The following CLUAP1 variants were observed in gnomAD, a reference collection of about 807,000 sequenced individuals.
CLUAP1 encodes clusterin-associated protein 1.
In CLUAP1, 50 loss-of-function variants were observed where a neutral mutation model predicts 55.0. That is an observed-to-expected ratio of 0.91 (90% CI 0.72 to 1.15). The LOEUF (loss-of-function observed/expected upper bound fraction) is 1.15. Ranked by LOEUF, CLUAP1 falls within the 50% of genes most tolerant of loss-of-function variation. The probability of loss-of-function intolerance (pLI) is 0.00; values close to 1 mark genes in which losing one functional copy is unlikely to be tolerated. For synonymous variants in CLUAP1, 195 were observed against 175.4 expected (o/e 1.11, Z -0.88); for missense variants, 530 against 507.6 (o/e 1.04, Z -0.42).
intron 9 of CLUAP1, among the ~76,000 whole-genome samples, chr16:3,529,409 TGTCA>T (rs1429695312): frequency 2.0e-4 from 20 of 98,862 alleles, no homozygotes; most frequent in Non-Finnish European, 3.7e-4. Flanking sequence ...TATATATATA[TGTCA>T]TATATATTAT....
Position 3,503,581 on chromosome 16 carries a change from C to T in CLUAP1, c.23-1139C>T, listed in dbSNP as rs149591039. Among the ~76,000 whole-genome samples, 16 of 150,864 alleles carry T rather than the reference C, an allele frequency of 1.1e-4. No homozygotes were observed. The East Asian group carries it at 3.0e-3, about 28-fold the overall frequency. ...AAAGTGCTGAGATTACAGGCGTGAA[C>T]CACCCGCGCCTGGCCTTTTTTGTTT... On this transcript the variant is annotated intron_variant, in intron 1 of 11. Coordinates refer to ENST00000576634, the MANE Select transcript of CLUAP1 (RefSeq NM_015041.3).
intron 11 of CLUAP1, chr16:3,533,236 T>A: frequency 9.2e-7 from 1 of 1,092,868 alleles, no homozygotes; most frequent in South Asian, 1.3e-5. Flanking sequence ...TCCCTAGGAG[T>A]GATGCTTCCT....
chr16:3,527,921 T>C (rs781243663), intron 9 of CLUAP1, among the ~76,000 whole-genome samples: 1 of 152,164 alleles, frequency 6.6e-6, no homozygotes, highest in East Asian at 1.9e-4. Context: ...TGCCCCTTTG[T>C]CTTGTATCCA....
intron 4 of CLUAP1, among the ~76,000 whole-genome samples, chr16:3,509,163 G>C (rs949831720): frequency 6.6e-6 from 1 of 152,190 alleles, no homozygotes; most frequent in Non-Finnish European, 1.5e-5. Context: ...AGGAGGCTGA[G>C]GTGGGAAGAT....
At chr16:3,506,912 T>G (rs1338832000) in intron 3 of CLUAP1, among the ~76,000 whole-genome samples, 2 of 152,174 alleles carry the variant, frequency 1.3e-5, no homozygotes, top group Non-Finnish European at 2.9e-5. Flanking sequence ...AGAATTTTGT[T>G]TATGCCAGGT....
At chr16:3,520,680 A>G (rs1295638107) in intron 7 of CLUAP1, among the ~76,000 whole-genome samples, 1 of 152,220 alleles carries the variant, frequency 6.6e-6, no homozygotes, top group Admixed American at 6.5e-5. Context: ...AGATCTTGCC[A>G]TAAATTAGGT....
chr16:3,502,125 G>C (rs1350945608), intron 1 of CLUAP1: 1 of 152,574 alleles, frequency 6.6e-6, no homozygotes, highest in Non-Finnish European at 1.5e-5. Flanking sequence ...TAAGAGGGTG[G>C]GGAAGTGGAA....
chr16:3,507,417 G>A (rs2037528584), intron 3 of CLUAP1, among the ~76,000 whole-genome samples: 1 of 151,564 alleles, frequency 6.6e-6, no homozygotes, highest in African/African-American at 2.4e-5. Context: ...AAAATTAGAT[G>A]GGCCTGGTGA....
At chr16:3,530,969 C>T (rs2038104409) in intron 10 of CLUAP1, among the ~76,000 whole-genome samples, 1 of 152,184 alleles carries the variant, frequency 6.6e-6, no homozygotes, top group South Asian at 2.1e-4. Context: ...CAGTGATATA[C>T]TTAATAGCCT....
intron 1 of CLUAP1, 51 bp from the exon 2 acceptor site, chr16:3,504,669 G>A (rs757462433): frequency 1.0e-6 from 1 of 975,486 alleles, no homozygotes. Flanking sequence ...AAGTTAATAA[G>A]TAGTTGCTGT....
chr16:3,496,591 C>T (rs1042527937), upstream of CLUAP1: 2 of 535,658 alleles, frequency 3.7e-6, no homozygotes, highest in Admixed American at 2.0e-5. Flanking sequence ...TGGCCCTGGA[C>T]TCCCTCAAGG....
At chr16:3,504,151 G>A (rs2037459747) in intron 1 of CLUAP1, among the ~76,000 whole-genome samples, 1 of 152,080 alleles carries the variant, frequency 6.6e-6, no homozygotes, top group South Asian at 2.1e-4. Flanking sequence ...AAATATGGTT[G>A]TATAGTTCAA....
upstream of CLUAP1, among the ~76,000 whole-genome samples, chr16:3,500,099 C>T (rs896345196): frequency 6.6e-6 from 1 of 152,276 alleles, no homozygotes; most frequent in Non-Finnish European, 1.5e-5. Flanking sequence ...GGGCATCTCC[C>T]CATTTCACAC....
In CLUAP1 at chr16:3,506,423, G is replaced by T. The variant is rs779286630; in HGVS notation, c.219+8G>T. On this transcript the variant is annotated splice_region_variant and intron_variant, in intron 3 of 11. Transcript: ENST00000576634. ...GCAATTGCCCAGTTCATGGTTAGTG[G>T]ACACTTATTTTGTGGAGTTGTAAAA... 4 of 1,604,296 alleles carry T rather than the reference G, an allele frequency of 2.5e-6. No individual in the cohort carries two copies. The highest frequency in any genetic ancestry group is 3.4e-6 in the Non-Finnish European group (4 of 1,171,096).
At chr16:3,496,715 G>T (rs1361469176), upstream of CLUAP1, 2 of 530,940 alleles carry the variant, frequency 3.8e-6, no homozygotes, top group East Asian at 1.0e-4. Flanking sequence ...CCGCTCCAGG[G>T]ACCAGAAGTT....
intron 11 of CLUAP1, chr16:3,535,891 C>T (rs2038221287): frequency 1.8e-6 from 1 of 541,450 alleles, no homozygotes; most frequent in Non-Finnish European, 3.3e-6. Context: ...CCCTGCAGCA[C>T]CACACCCAGA....
intron 11 of CLUAP1, chr16:3,535,570 CTTTT>C (rs963337540): frequency 1.3e-5 from 2 of 152,002 alleles, no homozygotes; most frequent in Non-Finnish European, 2.9e-5. Flanking sequence ...CCCTTTTTTT[CTTTT>C]TTTTCTTTTT....
At chr16:3,516,126 A>G (rs568064734) in intron 6 of CLUAP1, among the ~76,000 whole-genome samples, 14 of 152,302 alleles carry the variant, frequency 9.2e-5, no homozygotes, top group African/African-American at 3.1e-4. Context: ...CATTTTCCTC[A>G]TCTGTAAAAT....
In CLUAP1 at chr16:3,512,485, A is replaced by G; in HGVS notation, c.495+7A>G. Reference sequence around the variant, plus strand: ...CATGGAAGTAGAGTTGAGGGTAAGCATTCCAGTACTTCCTTAACCATGCAG... The same window carrying G: ...CATGGAAGTAGAGTTGAGGGTAAGCGTTCCAGTACTTCCTTAACCATGCAG... On this transcript the variant is annotated splice_region_variant and intron_variant, in intron 5 of 11. Coordinates refer to ENST00000576634, the MANE Select transcript of CLUAP1 (RefSeq NM_015041.3). 6.3e-7 allele frequency: 1 copy of G among 1,598,426 alleles called. No individual in the cohort carries two copies. The highest frequency in any genetic ancestry group is 1.7e-4 in the Middle Eastern group (1 of 6,034).
Sources: allele counts gnomAD v4.1 joint callset (sites outside exome capture counted in the v4.1 genomes callset), GRCh38; gene constraint gnomAD v4.1.1; transcripts MANE v1.5; gene names NCBI Gene and HGNC (gene_info 2026-07-23, HGNC 2026-07-21).